Variants in NLGN1 observed in about 807,000 individuals in gnomAD.
NLGN1 encodes neuroligin-1.
Under a neutral mutation model 65.5 loss-of-function variants are expected in NLGN1, and 12 were observed. The observed-to-expected ratio is 0.18, with a 90% CI of 0.12 to 0.30. The LOEUF (loss-of-function observed/expected upper bound fraction) is 0.30, where lower values mean the gene tolerates loss of function less well. Among genes scored for constraint, NLGN1 ranks in the 10% least tolerant of loss-of-function variants. The probability of loss-of-function intolerance (pLI) is 1.00; values close to 1 mark genes in which losing one functional copy is unlikely to be tolerated. For synonymous variants in NLGN1, 350 were observed against 359.5 expected, an observed-to-expected ratio of 0.97 and a Z score of 0.30; for missense variants, 750 against 1,007.1, an observed-to-expected ratio of 0.74 and a Z score of 3.46.
chr3:173,680,402 A>G (rs2149781863), intron 3 of NLGN1, among the ~76,000 whole-genome samples: 1 of 152,306 alleles, frequency 6.6e-6, no homozygotes, highest in Admixed American at 6.5e-5. Flanking sequence ...TATGCCTATA[A>G]ATCACCACTG....
intron 3 of NLGN1, among the ~76,000 whole-genome samples, chr3:173,709,622 T>C (rs957815141): frequency 2.0e-5 from 3 of 151,594 alleles, no homozygotes; most frequent in African/African-American, 7.3e-5. Context: ...TCCAAAATGA[T>C]GAAACCCCAT....
chr3:174,274,359 T>G (rs1750104281), intron 4 of NLGN1, among the ~76,000 whole-genome samples: 1 of 151,900 alleles, frequency 6.6e-6, no homozygotes, highest in South Asian at 2.1e-4. Flanking sequence ...TTTAAGATAT[T>G]GCTAAGTAAT....
chr3:173,834,073 TTC>T (rs1331774848), intron 4 of NLGN1, among the ~76,000 whole-genome samples: 1 of 152,178 alleles, frequency 6.6e-6, no homozygotes, highest in East Asian at 1.9e-4. Context: ...ATCAAACTTT[TTC>T]TCTCAACACC....
At chr3:174,125,625 G>T (rs1406541914) in intron 4 of NLGN1, among the ~76,000 whole-genome samples, 1 of 152,088 alleles carries the variant, frequency 6.6e-6, no homozygotes. Flanking sequence ...GGAACTCAAA[G>T]AGAGGTCAAA....
At chr3:174,149,876 G>A (rs965400529) in intron 4 of NLGN1, among the ~76,000 whole-genome samples, 1 of 151,886 alleles carries the variant, frequency 6.6e-6, no homozygotes, top group African/African-American at 2.4e-5. Flanking sequence ...AAAACAAGCT[G>A]GATTAAACAG....
intron 4 of NLGN1, among the ~76,000 whole-genome samples, chr3:174,017,484 T>C (rs1726819398): frequency 6.6e-6 from 1 of 152,134 alleles, no homozygotes; most frequent in Non-Finnish European, 1.5e-5. Flanking sequence ...TAGTTTGTGG[T>C]CATTTTAGAA....
At chr3:173,555,946 T>A (rs1471742778) in intron 2 of NLGN1, among the ~76,000 whole-genome samples, 3 of 152,210 alleles carry the variant, frequency 2.0e-5, no homozygotes, top group Admixed American at 6.5e-5. Context: ...GAAGTTTGTT[T>A]TAGGAATATT....
intron 4 of NLGN1, among the ~76,000 whole-genome samples, chr3:173,978,266 A>C (rs897406618): frequency 3.3e-5 from 5 of 152,056 alleles, no homozygotes; most frequent in African/African-American, 1.2e-4. Context: ...CTCTGTCTTT[A>C]CTTGTGACAA....
At chr3:173,947,164 C>T (rs992894303) in intron 4 of NLGN1, among the ~76,000 whole-genome samples, 3 of 147,712 alleles carry the variant, frequency 2.0e-5, no homozygotes, top group Non-Finnish European at 3.0e-5. Flanking sequence ...CGGGTTCAAA[C>T]GATTCTTGCC....
chr3:174,067,656 A>G (rs1305660888), intron 4 of NLGN1, among the ~76,000 whole-genome samples: 1 of 152,158 alleles, frequency 6.6e-6, no homozygotes, highest in Admixed American at 6.6e-5. Flanking sequence ...TTCATCGGAC[A>G]AAGTTTTCAC....
intron 4 of NLGN1, among the ~76,000 whole-genome samples, chr3:173,918,811 T>C (rs1741340851): frequency 2.0e-5 from 3 of 151,900 alleles, no homozygotes; most frequent in Admixed American, 6.6e-5. Context: ...ATATTTAGTG[T>C]TATAAAACAA....
At chr3:173,708,320 C>A (rs1014717145) in intron 3 of NLGN1, among the ~76,000 whole-genome samples, 3 of 152,170 alleles carry the variant, frequency 2.0e-5, no homozygotes, top group African/African-American at 7.2e-5. Flanking sequence ...GCAGAAGGCC[C>A]CTCCCTTGTT....
chr3:173,786,843 G>A (rs567603896), intron 3 of NLGN1, among the ~76,000 whole-genome samples: 39 of 152,264 alleles, frequency 2.6e-4, no homozygotes, highest in Admixed American at 2.3e-3. Context: ...TTGGGAGGCC[G>A]AGGAGGGTGG....
At chr3:174,095,191 A>G (rs1275418386) in intron 4 of NLGN1, among the ~76,000 whole-genome samples, 2 of 151,808 alleles carry the variant, frequency 1.3e-5, no homozygotes, top group Non-Finnish European at 2.9e-5. Flanking sequence ...AGACAAATAG[A>G]CCTTGTACCT....
chr3:173,408,204 ATATGTCTTC>A (rs1711682228), intron 1 of NLGN1, among the ~76,000 whole-genome samples: 1 of 152,052 alleles, frequency 6.6e-6, no homozygotes, highest in African/African-American at 2.4e-5. Flanking sequence ...GCCTCACACA[ATATGTCTTC>A]TTTTCCATGC....
chr3:173,916,879 A>G (rs912836924), intron 4 of NLGN1, among the ~76,000 whole-genome samples: 1 of 152,174 alleles, frequency 6.6e-6, no homozygotes, highest in African/African-American at 2.4e-5. Flanking sequence ...AATTTTCTGG[A>G]TGGTTTCCTG....
At chr3:174,023,189 G>A (rs1057272426) in intron 4 of NLGN1, among the ~76,000 whole-genome samples, 4 of 152,092 alleles carry the variant, frequency 2.6e-5, no homozygotes, top group Non-Finnish European at 5.9e-5. Flanking sequence ...GGTACCTATT[G>A]AATGCCAGGA....
intron 1 of NLGN1, among the ~76,000 whole-genome samples, chr3:173,412,570 C>A (rs931110868): frequency 1.3e-5 from 2 of 151,302 alleles, no homozygotes; most frequent in South Asian, 4.2e-4. Flanking sequence ...ATCTTAATTA[C>A]CACACTAACA....
chr3:173,590,619 A>G (rs1560012984), intron 2 of NLGN1, among the ~76,000 whole-genome samples: 1 of 152,150 alleles, frequency 6.6e-6, no homozygotes, highest in East Asian at 1.9e-4. Context: ...ATGAAAATCG[A>G]CTTGTGTTCT....
Sources: gnomAD v4.1 joint callset for allele counts (sites outside exome capture counted in the v4.1 genomes callset) on GRCh38, gnomAD v4.1.1 for gene constraint, MANE v1.5 for transcripts, NCBI Gene and HGNC (gene_info 2026-07-23, HGNC 2026-07-21) for gene names.